The following ABCA4 variants were observed in gnomAD, a reference collection of about 807,000 sequenced individuals.
ABCA4 encodes ATP binding cassette subfamily A member 4, also known as retinal-specific phospholipid-transporting ATPase ABCA4.
Under a neutral mutation model 263.7 loss-of-function variants are expected in ABCA4, and 196 were observed. The observed-to-expected ratio is 0.74, with a 90% CI of 0.66 to 0.84. ABCA4 has a LOEUF of 0.84. ABCA4 is among the 40% of genes least tolerant of loss of function. ABCA4 has a pLI of 0.00. For missense variants in ABCA4, 2,792 were observed against 2,855.1 expected, an observed-to-expected ratio of 0.98 and a Z score of 0.50; for synonymous variants, 1,133 against 1,094.2, an observed-to-expected ratio of 1.04 and a Z score of -0.70.
intron 35 of ABCA4, among the ~76,000 whole-genome samples, chr1:94,020,980 C>T (rs1355612696): frequency 6.6e-6 from 1 of 152,228 alleles, no homozygotes; most frequent in Non-Finnish European, 1.5e-5. Context: ...GCTCCAGGAG[C>T]AACTTGCTAT....
At chr1:93,998,905 A>ATTT (rs11370620) in intron 47 of ABCA4, among the ~76,000 whole-genome samples, 17,538 of 135,624 alleles carry the variant, frequency 0.13, 1,827 homozygotes, top group African/African-American at 0.29. Flanking sequence ...CACTCGGCTA[A>ATTT]TTTTTTTTTT....
chr1:94,066,819 T>C (rs1245891915), intron 11 of ABCA4, among the ~76,000 whole-genome samples: 5 of 152,250 alleles, frequency 3.3e-5, no homozygotes, highest in African/African-American at 1.2e-4. Context: ...AGTAGAACTT[T>C]CTGCAGTGAT....
At chr1:94,085,361 C>A (rs1380243171) in intron 6 of ABCA4, among the ~76,000 whole-genome samples, 1 of 152,144 alleles carries the variant, frequency 6.6e-6, no homozygotes, top group Non-Finnish European at 1.5e-5. Context: ...TTTTTTCCTA[C>A]AATAAAACGT....
At chr1:94,007,593 C>T (rs540963408) in intron 43 of ABCA4, 41 bp downstream of exon 43, 3 of 1,536,402 alleles carry the variant, frequency 2.0e-6, no homozygotes, top group Middle Eastern at 3.4e-4. Flanking sequence ...CTCACAGGAC[C>T]TGTGAGAGAC....
In ABCA4 at chr1:93,993,153, T is replaced by C; in HGVS notation, c.*84A>G. The C allele has an allele frequency of 1.3e-6, 2 of 1,572,406 alleles. No homozygotes were observed. The highest frequency in any genetic ancestry group is 8.7e-7 in the Non-Finnish European group (1 of 1,143,118). Reference sequence around the variant, plus strand: ...GGGTCATTTACGCTGGCCAGTCCATTTGGATGACCATATGGGCACAGGCTC... The same window carrying C: ...GGGTCATTTACGCTGGCCAGTCCATCTGGATGACCATATGGGCACAGGCTC... On this transcript the variant is annotated 3_prime_UTR_variant, in exon 50 of 50. Transcript: ENST00000370225.
chr1:94,102,630 C>T (rs573533345), intron 5 of ABCA4, among the ~76,000 whole-genome samples: 2 of 152,284 alleles, frequency 1.3e-5, no homozygotes, highest in South Asian at 4.2e-4. Context: ...TGGAAGCTCC[C>T]TGGCCTGGGG....
chr1:94,015,972 T>A, intron 36 of ABCA4, 118 bp from the exon 37 acceptor site: 1 of 893,032 alleles, frequency 1.1e-6, no homozygotes, highest in Non-Finnish European at 1.8e-6. Flanking sequence ...CTGATTCGAC[T>A]TGCTTTTTAA....
chr1:94,021,880 A>G lies in ABCA4; in HGVS notation c.4739T>C (p.Leu1580Ser), dbSNP rs777415466. ...ATTCATGATCCGGCCAAGGTCGCTT[A>G]AAAACCCAACAAGTGCTTCCCCCGT... ...PITGEALVGF[L>S]SDLGRIMNVS... is the part of the protein sequence containing the mutation. The change falls in exon 33 of 50, where the codon TTA becomes TCA. Residue 1580 changes from leucine (L) to serine (S), a missense_variant. Leu to Ser is a moderately radical substitution (Grantham distance 145). Coordinates refer to ENST00000370225, the MANE Select transcript of ABCA4 (RefSeq NM_000350.3). 1.1e-5 allele frequency: 17 copies of G among 1,614,184 alleles called. No individual in the cohort carries two copies. The South Asian group carries it at 1.1e-4, about 10-fold the overall frequency.
Position 94,044,790 on chromosome 1 carries a change from C to T in ABCA4, c.2919-46G>A, listed in dbSNP as rs748790489. On this transcript the variant is annotated intron_variant, in intron 19 of 49. Transcript: ENST00000370225. ...TGGCAGAAGAGATGGCCTTTAGCAA[C>T]ATGCCTTAGGAGGGCCACCCCCACA... 3.1e-6 allele frequency: 5 copies of T among 1,613,996 alleles called. No homozygotes were observed. In the Admixed American group the frequency reaches 5.0e-5, roughly 16 times the overall value.
rs764982444 is a variant in ABCA4 at position 94,029,448 on chromosome 1, G to C, written c.4536C>G (p.Pro1512=). Residue 1512 remains proline (P), a synonymous_variant, in exon 30 of 50, where the codon CCC becomes CCG. Transcript: ENST00000370225. ...CCGTTGTTTGGAGGTCAGGTACCTG[G>C]GGGGGCGGGAGGCCCCCGGCACCCT... ...CPEGAGGLPP[P]QRTQRSTEIL... 3 of 1,550,424 alleles carry C rather than the reference G, an allele frequency of 1.9e-6. No individual in the cohort carries two copies. Among genetic ancestry groups the C allele is most frequent in the Non-Finnish European group, 1.7e-6 (2 of 1,146,888 alleles).
At chr1:94,030,567 G>T in intron 28 of ABCA4, 41 bp from the exon 29 acceptor site, 3 of 1,576,124 alleles carry the variant, frequency 1.9e-6, no homozygotes, top group Non-Finnish European at 2.6e-6. Context: ...GAGCAGGCGC[G>T]TGCCAACATC....
intron 29 of ABCA4, 84 bp downstream of exon 29, chr1:94,030,344 C>T: frequency 1.6e-6 from 2 of 1,230,356 alleles, no homozygotes; most frequent in South Asian, 2.4e-5. Flanking sequence ...AGTGGGGCCT[C>T]CCCAACGCCT....
chr1:94,078,468 G>A, intron 10 of ABCA4, 122 bp downstream of exon 10: 4 of 787,392 alleles, frequency 5.1e-6, no homozygotes, highest in Non-Finnish European at 8.7e-6. Context: ...GGGCCTGCTT[G>A]TTGTATTTTG....
intron 18 of ABCA4, among the ~76,000 whole-genome samples, chr1:94,047,599 C>T (rs1196297620): frequency 6.6e-6 from 1 of 152,200 alleles, no homozygotes; most frequent in Non-Finnish European, 1.5e-5. Context: ...TTAGGTTCTT[C>T]ATCTTCCCAA....
At chr1:93,993,550 A>T (rs779151391) in intron 49 of ABCA4, among the ~76,000 whole-genome samples, 1 of 151,874 alleles carries the variant, frequency 6.6e-6, no homozygotes, top group Admixed American at 6.6e-5. Context: ...AAGGGCTCTT[A>T]CAGGGTCTTT....
At chr1:94,120,674 C>T (rs894759136) in intron 1 of ABCA4, among the ~76,000 whole-genome samples, 44 of 121,174 alleles carry the variant, frequency 3.6e-4, no homozygotes, top group African/African-American at 1.4e-3. Context: ...GTAGACTGGA[C>T]AGGCAGGTGT....
chr1:94,052,727 A>T (rs1197033345), intron 16 of ABCA4, among the ~76,000 whole-genome samples: 2 of 152,188 alleles, frequency 1.3e-5, no homozygotes, highest in African/African-American at 4.8e-5. Flanking sequence ...TCTCCCTCCA[A>T]AAAGACATGT....
chr1:94,095,354 C>T (rs1440529696), intron 6 of ABCA4, among the ~76,000 whole-genome samples: 1 of 152,088 alleles, frequency 6.6e-6, no homozygotes, highest in East Asian at 1.9e-4. Flanking sequence ...CCCCCAGCTC[C>T]TGACTCAAAG....
intron 49 of ABCA4, 94 bp downstream of exon 49, chr1:93,996,015 T>G (rs1191939945): frequency 3.4e-6 from 4 of 1,181,038 alleles, no homozygotes; most frequent in Non-Finnish European, 3.7e-6. Flanking sequence ...AGGAGGCATA[T>G]CTGAGCCTTG....
Sources: gnomAD v4.1 joint callset for allele counts (sites outside exome capture counted in the v4.1 genomes callset) on GRCh38, gnomAD v4.1.1 for gene constraint, MANE v1.5 for transcripts, NCBI Gene and HGNC (gene_info 2026-07-23, HGNC 2026-07-21) for gene names.